NKAIN2: variants seen among roughly 807,000 people sequenced by gnomAD.
The protein encoded by NKAIN2 is sodium/potassium transporting ATPase interacting 2.
In NKAIN2, 14 loss-of-function variants were observed where a neutral mutation model predicts 32.6. That is an observed-to-expected ratio of 0.43 (90% CI 0.28 to 0.67). The LOEUF (loss-of-function observed/expected upper bound fraction) is 0.67, where lower values mean the gene tolerates loss of function less well. Among genes scored for constraint, NKAIN2 ranks in the 30% least tolerant of loss-of-function variants. NKAIN2 has a pLI of 0.17. For synonymous variants in NKAIN2, 80 were observed against 87.2 expected (o/e 0.92, Z 0.46); for missense variants, 198 against 258.3 (o/e 0.77, Z 1.60).
At chr6:124,551,228 G>T (rs556932235) in intron 3 of NKAIN2, among the ~76,000 whole-genome samples, 1 of 152,298 alleles carries the variant, frequency 6.6e-6, no homozygotes, top group South Asian at 2.1e-4. Flanking sequence ...AGGGGAAATG[G>T]TGTTAGCATT....
intron 1 of NKAIN2, among the ~76,000 whole-genome samples, chr6:124,008,617 C>T (rs1177717874): frequency 2.0e-5 from 3 of 152,032 alleles, no homozygotes; most frequent in Non-Finnish European, 4.4e-5. Context: ...GGGACTTTGG[C>T]AACAGGTGTT....
At chr6:124,508,446 G>A (rs920088737) in intron 3 of NKAIN2, among the ~76,000 whole-genome samples, 2 of 151,586 alleles carry the variant, frequency 1.3e-5, no homozygotes, top group African/African-American at 2.4e-5. Context: ...CCGGGTTCAC[G>A]CCATTCTCCT....
chr6:124,216,901 T>C (rs1020163536), intron 1 of NKAIN2, among the ~76,000 whole-genome samples: 2 of 152,160 alleles, frequency 1.3e-5, no homozygotes, highest in African/African-American at 4.8e-5. Context: ...CAATGGTTCA[T>C]GTGGATAATT....
intron 1 of NKAIN2, among the ~76,000 whole-genome samples, chr6:123,905,710 A>AT (rs1372060424): frequency 1.3e-5 from 2 of 152,108 alleles, no homozygotes; most frequent in Non-Finnish European, 2.9e-5. Flanking sequence ...TCTGACTCAG[A>AT]TAAAAAAAAA....
At chr6:124,254,114 G>A (rs1476070790) in intron 1 of NKAIN2, among the ~76,000 whole-genome samples, 1 of 151,716 alleles carries the variant, frequency 6.6e-6, no homozygotes, top group East Asian at 2.0e-4. Context: ...CACCGCTCCC[G>A]GCTAATTTTG....
chr6:124,040,668 A>G (rs1392984968), intron 1 of NKAIN2, among the ~76,000 whole-genome samples: 2 of 152,036 alleles, frequency 1.3e-5, no homozygotes, highest in Non-Finnish European at 2.9e-5. Flanking sequence ...CCAGATAACT[A>G]TGATATAGGT....
chr6:124,347,697 A>G (rs1798501717), intron 2 of NKAIN2, among the ~76,000 whole-genome samples: 1 of 152,098 alleles, frequency 6.6e-6, no homozygotes, highest in Non-Finnish European at 1.5e-5. Flanking sequence ...AGCTCCTTTA[A>G]GCACTTCTCT....
chr6:124,622,563 T>C (rs1328989159), intron 3 of NKAIN2, among the ~76,000 whole-genome samples: 1 of 152,168 alleles, frequency 6.6e-6, no homozygotes, highest in Non-Finnish European at 1.5e-5. Flanking sequence ...AGAGGGCCAG[T>C]GTGACAGCTT....
intron 3 of NKAIN2, among the ~76,000 whole-genome samples, chr6:124,568,739 A>T (rs887291156): frequency 6.6e-6 from 1 of 151,740 alleles, no homozygotes; most frequent in Admixed American, 6.6e-5. Flanking sequence ...GCTGTCCACT[A>T]AAGAAAAAGT....
chr6:124,562,601 CA>C (rs1270840776), intron 3 of NKAIN2, among the ~76,000 whole-genome samples: 1 of 151,940 alleles, frequency 6.6e-6, no homozygotes, highest in Non-Finnish European at 1.5e-5. Flanking sequence ...TTAAAATGTT[CA>C]AAATTTTTAT....
intron 3 of NKAIN2, among the ~76,000 whole-genome samples, chr6:124,493,585 CT>C (rs1224516370): frequency 6.6e-6 from 1 of 151,758 alleles, no homozygotes; most frequent in East Asian, 1.9e-4. Context: ...TTGAAACTAT[CT>C]TTTCTTTGTA....
At chr6:124,028,849 G>GTA in intron 1 of NKAIN2, among the ~76,000 whole-genome samples, 1 of 117,486 alleles carries the variant, frequency 8.5e-6, no homozygotes, top group South Asian at 2.6e-4. Context: ...ATGTATATAT[G>GTA]TGTGTGTCTA....
At chr6:124,793,770 T>C (rs1298716206) in intron 5 of NKAIN2, among the ~76,000 whole-genome samples, 3 of 152,106 alleles carry the variant, frequency 2.0e-5, no homozygotes, top group Admixed American at 6.6e-5. Context: ...CTGAGAGTAC[T>C]GCCAGAAAAA....
intron 1 of NKAIN2, among the ~76,000 whole-genome samples, chr6:124,095,713 T>G (rs563155681): frequency 6.6e-6 from 1 of 152,254 alleles, no homozygotes; most frequent in African/African-American, 2.4e-5. Context: ...CAATAAACAC[T>G]AAATATCTCC....
intron 1 of NKAIN2, chr6:124,282,261 G>A (rs944341960): frequency 2.2e-5 from 8 of 359,722 alleles, no homozygotes; most frequent in Admixed American, 1.0e-4. Flanking sequence ...AATTTAAATC[G>A]ACTTAAGTGT....
intron 4 of NKAIN2, among the ~76,000 whole-genome samples, chr6:124,713,917 C>T (rs1217471950): frequency 6.6e-6 from 1 of 152,152 alleles, no homozygotes; most frequent in African/African-American, 2.4e-5. Context: ...ATTAAAGGAC[C>T]TTCAGTAGTT....
rs573060632 is a variant in NKAIN2, at chr6:124,573,136, G to A, written c.274-85050G>A. 2.2e-3 allele frequency among the ~76,000 whole-genome samples: 339 copies of A among 152,142 alleles called. 2 individuals are homozygous for A. Among genetic ancestry groups the A allele is most frequent in the African/African-American group, 7.8e-3 (323 of 41,528 alleles). ...ATTACAAGCGTGAGCCACCACGCCC[G>A]GCCAAAAAGTTATTTTTGAACTGTG... On this transcript the variant is annotated intron_variant, in intron 3 of 6. Coordinates refer to ENST00000368417, the MANE Select transcript of NKAIN2 (RefSeq NM_001040214.3).
Position 124,804,279 on chromosome 6 carries a change from CCTCA to C in NKAIN2, c.535+12883_535+12886del. Among the ~76,000 whole-genome samples, 2 of 152,146 alleles carry C rather than the reference CCTCA, an allele frequency of 1.3e-5. 1 individual carries two copies. ...CTTAAAATCTCACCTAAGGCACTGC[CCTCA>C]CTGAGAATTAGCAGATATGAACAAG... On this transcript the variant is annotated intron_variant, in intron 5 of 6. Coordinates refer to ENST00000368417, the MANE Select transcript of NKAIN2 (RefSeq NM_001040214.3).
At chr6:124,743,536 C>A (rs1034768081) in intron 4 of NKAIN2, among the ~76,000 whole-genome samples, 1 of 151,738 alleles carries the variant, frequency 6.6e-6, no homozygotes, top group African/African-American at 2.4e-5. Context: ...ACCCTGATTT[C>A]CTCTGGCAAA....
Sources: allele counts gnomAD v4.1 joint callset (sites outside exome capture counted in the v4.1 genomes callset), GRCh38; gene constraint gnomAD v4.1.1; transcripts MANE v1.5; gene names NCBI Gene and HGNC (gene_info 2026-07-23, HGNC 2026-07-21).